The following SLC35E3 variants were observed in gnomAD, a reference collection of about 807,000 sequenced individuals.
SLC35E3 encodes the protein solute carrier family 35 member E3, also known as bladder cancer-overexpressed gene 1 protein.
In SLC35E3, 28 loss-of-function variants were observed where a neutral mutation model predicts 30.8. That is an observed-to-expected ratio of 0.91 (90% CI 0.67 to 1.25). SLC35E3 has a LOEUF of 1.25. SLC35E3 is among the 50% of genes most tolerant of loss of function. The pLI is 0.00. For missense variants in SLC35E3, 365 were observed against 375.4 expected, an observed-to-expected ratio of 0.97 and a Z score of 0.23; for synonymous variants, 146 against 149.2, an observed-to-expected ratio of 0.98 and a Z score of 0.16.
Position 68,766,150 on chromosome 12 carries a change from T to C in SLC35E3, c.*1260T>C, listed in dbSNP as rs1017895642. 1 of 152,036 alleles carries C rather than the reference T, an allele frequency of 6.6e-6. No homozygotes were observed. The highest frequency in any genetic ancestry group is 2.4e-5 in the African/African-American group (1 of 41,392). The allele number at this position is 152,036 out of a possible 1,614,324, so 9.4% of individuals were successfully genotyped here. ...ATTATTCATACATTTATAGGTCATC[T>C]CTTTGAGTTTTCAGTGAACTATAGA... On this transcript the variant is annotated 3_prime_UTR_variant, in exon 5 of 5. Transcript: ENST00000398004.
rs1415368419 is a variant in SLC35E3 at position 68,768,770 on chromosome 12, G to C, written c.*3880G>C. On this transcript the variant is annotated 3_prime_UTR_variant, in exon 5 of 5. Transcript: ENST00000398004. ...TGACGTGTTCAGCTGTTCATATTTG[G>C]CCTGTCCAAATAAGCAGAAATGAAT... The C allele has an allele frequency of 6.6e-6, 1 of 152,258 alleles. No homozygotes were observed. Among genetic ancestry groups the C allele is most frequent in the East Asian group, 1.9e-4 (1 of 5,192 alleles). The allele number at this position is 152,258 out of a possible 1,614,324, so 9.4% of individuals were successfully genotyped here.
In SLC35E3 at chr12:68,769,951, T is replaced by G. The variant is rs1369563229; in HGVS notation, c.*5061T>G. On this transcript the variant is annotated 3_prime_UTR_variant, in exon 5 of 5. Coordinates refer to ENST00000398004, the MANE Select transcript of SLC35E3 (RefSeq NM_018656.5). ...TAAACAAAAACAAGACAAGAATAAT[T>G]AAACAGCAAACTCAATGAATGCTAA... The G allele has an allele frequency of 2.0e-5, 3 of 152,148 alleles. No homozygotes were observed. Among genetic ancestry groups the G allele is most frequent in the African/African-American group, 7.2e-5 (3 of 41,442 alleles). 9.4% of individuals were successfully genotyped at this position (152,148 alleles called of 1,614,324 possible). A position where few individuals can be genotyped will look rare whatever the true frequency, so the allele number is the denominator to read the frequency against.
rs1017407921 is a variant in SLC35E3, at chr12:68,768,711, G to C, written c.*3821G>C. 4 of 152,204 alleles carry C rather than the reference G, an allele frequency of 2.6e-5. No individual in the cohort carries two copies. The highest frequency in any genetic ancestry group is 7.2e-5 in the African/African-American group (3 of 41,450). The allele number at this position is 152,204 out of a possible 1,614,324, so 9.4% of individuals were successfully genotyped here. A position where few individuals can be genotyped will look rare whatever the true frequency, so the allele number is the denominator to read the frequency against. ...TTGCATATGAGAGCTGATGGAAGAA[G>C]GATGGCATCTGTGTAACATATGCAT... On this transcript the variant is annotated 3_prime_UTR_variant, in exon 5 of 5. Coordinates refer to ENST00000398004, the MANE Select transcript of SLC35E3 (RefSeq NM_018656.5).
chr12:68,764,740 T>C lies in SLC35E3; in HGVS notation c.792T>C (p.Thr264=). The C allele has an allele frequency of 6.2e-7, 1 of 1,614,160 alleles. No homozygotes were observed. The highest frequency in any genetic ancestry group is 8.5e-7 in the Non-Finnish European group (1 of 1,180,034). The change falls in exon 5 of 5, where the codon ACT becomes ACC. Residue 264 remains threonine (T), a synonymous_variant. Transcript: ENST00000398004. ...NMFGHFKFCI[T]LFGGYVLFKD... The stretch of plus-strand genomic sequence containing the variant: ...TCGGACACTTCAAGTTCTGCATTAC[T>C]TTATTCGGAGGATATGTTTTATTTA...
rs369887330 is a variant in SLC35E3 at position 68,765,608 on chromosome 12, A to ATGTG, written c.*728_*731dup. On this transcript the variant is annotated 3_prime_UTR_variant, in exon 5 of 5. Coordinates refer to ENST00000398004, the MANE Select transcript of SLC35E3 (RefSeq NM_018656.5). ...TCTCTCTCTCTCTCTCCATATATAT[A>ATGTG]TGTGTGTGTGTGTATATATATATAT... The ATGTG allele has an allele frequency of 4.9e-5, 6 of 122,298 alleles. No homozygotes were observed. The highest frequency in any genetic ancestry group is 1.8e-4 in the African/African-American group (6 of 34,196). 7.6% of individuals were successfully genotyped at this position (122,298 alleles called of 1,614,324 possible). A position where few individuals can be genotyped will look rare whatever the true frequency, so the allele number is the denominator to read the frequency against.
chr12:68,763,475 C>T (rs1480282646), intron 4 of SLC35E3, among the ~76,000 whole-genome samples: 2 of 150,984 alleles, frequency 1.3e-5, no homozygotes, highest in East Asian at 3.9e-4. Context: ...CTGCAACCTC[C>T]GCCTCCCAGG....
At position 68,778,932 on chromosome 12, in the gene SLC35E3, C is replaced by G. The variant is rs1355326079; in HGVS notation, c.*14042C>G. Reference sequence around the variant, plus strand: ...CCAACCTGGCCAACATGGCGAAACTCCATCTCTACTAAAAATACAAAAGTT... The same window carrying G: ...CCAACCTGGCCAACATGGCGAAACTGCATCTCTACTAAAAATACAAAAGTT... On this transcript the variant is annotated 3_prime_UTR_variant, in exon 5 of 5. Transcript: ENST00000398004. 1.3e-5 allele frequency: 2 copies of G among 152,004 alleles called. No individual in the cohort carries two copies. Among genetic ancestry groups the G allele is most frequent in the Non-Finnish European group, 2.9e-5 (2 of 68,058 alleles). The allele number at this position is 152,004 out of a possible 1,614,324, so 9.4% of individuals were successfully genotyped here.
chr12:68,773,826 C>G lies in SLC35E3; in HGVS notation c.*8936C>G, dbSNP rs1879668721. The G allele has an allele frequency of 6.6e-6, 1 of 152,136 alleles. No homozygotes were observed. The highest frequency in any genetic ancestry group is 1.5e-5 in the Non-Finnish European group (1 of 68,028). 9.4% of individuals were successfully genotyped at this position (152,136 alleles called of 1,614,324 possible). On this transcript the variant is annotated 3_prime_UTR_variant, in exon 5 of 5. Transcript: ENST00000398004. The stretch of plus-strand genomic sequence containing the variant: ...ACACAAAATGTTACAGAAAAAAGTG[C>G]AAAAATGTTGTAAGGCACAGTTGGT...
intron 4 of SLC35E3, among the ~76,000 whole-genome samples, chr12:68,761,419 C>T (rs1879229653): frequency 6.6e-6 from 1 of 152,170 alleles, no homozygotes; most frequent in Admixed American, 6.5e-5. Context: ...ATCATAGAAT[C>T]ACTCAGGACT....
Position 68,746,618 on chromosome 12 carries a change from G to A in SLC35E3, c.241G>A (p.Ala81Thr). The change falls in exon 1 of 5, where the codon GCC (alanine) becomes ACC (threonine). Residue 81 changes from alanine to threonine, a missense_variant. Ala to Thr is a moderately conservative substitution (Grantham distance 58). Coordinates refer to ENST00000398004, the MANE Select transcript of SLC35E3 (RefSeq NM_018656.5). ...SLPPSRLLLL[A>T]LSFCGFVVFT... The stretch of plus-strand genomic sequence containing the variant: ...GCCGCCCTCCAGGCTCCTCCTCCTG[G>A]CCCTCAGCTTCTGTGGCTTTGTGGT... 6.2e-7 allele frequency: 1 copy of A among 1,614,224 alleles called. No homozygotes were observed. Among genetic ancestry groups the A allele is most frequent in the Non-Finnish European group, 8.5e-7 (1 of 1,180,048 alleles).
chr12:68,752,235 A>T (rs374369822), intron 3 of SLC35E3, 45 bp downstream of exon 3: 1 of 1,483,030 alleles, frequency 6.7e-7, no homozygotes, highest in Non-Finnish European at 9.1e-7. Flanking sequence ...TATAATAATA[A>T]CTCCTCCATT....
At chr12:68,756,839 G>A (rs539625431) in intron 3 of SLC35E3, among the ~76,000 whole-genome samples, 20 of 152,150 alleles carry the variant, frequency 1.3e-4, no homozygotes, top group South Asian at 4.2e-4. Flanking sequence ...GTGAAACCCC[G>A]TCTCTACTAA....
rs1399567145 is a variant in SLC35E3, at chr12:68,770,651, A to G, written c.*5761A>G. The G allele has an allele frequency of 6.6e-6, 1 of 151,900 alleles. No homozygotes were observed. The highest frequency in any genetic ancestry group is 1.5e-5 in the Non-Finnish European group (1 of 68,154). The allele number at this position is 151,900 out of a possible 1,614,324, so 9.4% of individuals were successfully genotyped here. ...GAGTTCGAGACCAGCCTGGGCAAAC[A>G]TGATGAAACCCCATCTCTACAAAGA... On this transcript the variant is annotated 3_prime_UTR_variant, in exon 5 of 5. Coordinates refer to ENST00000398004, the MANE Select transcript of SLC35E3 (RefSeq NM_018656.5).
chr12:68,759,263 AATGC>A, intron 4 of SLC35E3, 24 bp downstream of exon 4: 1 of 1,543,978 alleles, frequency 6.5e-7, no homozygotes, highest in African/African-American at 1.4e-5. Context: ...ATAACTTAGA[AATGC>A]ATCGTCTTTT....
At chr12:68,753,683 CTCTTCCACATTCCATTACCCCCTAA>C (rs1204067545) in intron 3 of SLC35E3, among the ~76,000 whole-genome samples, 4 of 152,068 alleles carry the variant, frequency 2.6e-5, no homozygotes, top group East Asian at 3.9e-4. Flanking sequence ...TAGCCACACA[CTCTTCCACATTCCATTACCCCCTAA>C]TCTTCCACAT....
Position 68,773,677 on chromosome 12 carries a change from C to G in SLC35E3, c.*8787C>G, listed in dbSNP as rs181156030. The G allele has an allele frequency of 6.6e-6, 1 of 152,124 alleles. No homozygotes were observed. The highest frequency in any genetic ancestry group is 6.6e-5 in the Admixed American group (1 of 15,248). 9.4% of individuals were successfully genotyped at this position (152,124 alleles called of 1,614,324 possible). ...TCTGCCTCCCGAAGTGCTAAAATTACAGCTGTGAAACACCGCGCCTGGAGT... is the reference window on the plus strand; with the variant it reads ...TCTGCCTCCCGAAGTGCTAAAATTAGAGCTGTGAAACACCGCGCCTGGAGT... On this transcript the variant is annotated 3_prime_UTR_variant, in exon 5 of 5. Transcript: ENST00000398004.
intron 3 of SLC35E3, among the ~76,000 whole-genome samples, chr12:68,753,826 A>ACACG (rs1007437909): frequency 3.3e-5 from 5 of 151,122 alleles, no homozygotes; most frequent in African/African-American, 1.2e-4. Context: ...ACACACACAC[A>ACACG]CACACACACC....
chr12:68,749,125 ACTCACCATCT>A (rs968090324), intron 2 of SLC35E3, among the ~76,000 whole-genome samples: 1 of 152,206 alleles, frequency 6.6e-6, no homozygotes, highest in African/African-American at 2.4e-5. Flanking sequence ...GATTCAGAGT[ACTCACCATCT>A]CTGTCACTAT....
At chr12:68,757,228 C>G (rs1368076544) in intron 3 of SLC35E3, among the ~76,000 whole-genome samples, 1 of 152,158 alleles carries the variant, frequency 6.6e-6, no homozygotes, top group African/African-American at 2.4e-5. Flanking sequence ...TGGAACAAGA[C>G]AAGGATGCCC....
Sources: gnomAD v4.1 joint callset for allele counts (sites outside exome capture counted in the v4.1 genomes callset) on GRCh38, gnomAD v4.1.1 for gene constraint, MANE v1.5 for transcripts, NCBI Gene and HGNC (gene_info 2026-07-23, HGNC 2026-07-21) for gene names.